ITGA9: variants seen among roughly 807,000 people sequenced by gnomAD.
The protein encoded by ITGA9 is integrin alpha-9.
A neutral mutation model predicts 127.8 loss-of-function variants in ITGA9; 56 were observed. The ratio of observed to expected loss-of-function variants is 0.44; its 90% confidence interval spans 0.35 to 0.55. The LOEUF (loss-of-function observed/expected upper bound fraction) is 0.55, where lower values mean the gene tolerates loss of function less well. Among genes scored for constraint, ITGA9 ranks in the 20% least tolerant of loss-of-function variants. The pLI, the probability that ITGA9 is intolerant of heterozygous loss-of-function variation, is 0.00. For synonymous variants in ITGA9, 508 were observed against 514.5 expected (o/e 0.99, Z 0.17); for missense variants, 1,196 against 1,347.1 (o/e 0.89, Z 1.76).
intron 23 of ITGA9, among the ~76,000 whole-genome samples, chr3:37,760,153 C>T (rs1466589751): frequency 6.6e-6 from 1 of 151,982 alleles, no homozygotes; most frequent in Non-Finnish European, 1.5e-5. Flanking sequence ...ATCTCAGCTA[C>T]TCAGGAGGCT....
intron 18 of ITGA9, among the ~76,000 whole-genome samples, chr3:37,695,491 A>C (rs560277907): frequency 6.6e-6 from 1 of 152,360 alleles, no homozygotes; most frequent in African/African-American, 2.4e-5. Context: ...TTCTACCAGC[A>C]TCTGAATTGG....
At chr3:37,517,698 C>T (rs1009871324) in intron 10 of ITGA9, 89 bp downstream of exon 10, 3 of 935,638 alleles carry the variant, frequency 3.2e-6, no homozygotes, top group Non-Finnish European at 5.1e-6. Flanking sequence ...GACTGTCCAT[C>T]TCTAGTGGCA....
rs1042302202 is a variant in ITGA9 at position 37,820,039 on chromosome 3, G to A, written c.*1050G>A. The A allele has an allele frequency of 7.9e-5, 12 of 152,062 alleles. No individual in the cohort carries two copies. Among genetic ancestry groups the A allele is most frequent in the African/African-American group, 2.2e-4 (9 of 41,388 alleles). 9.4% of individuals were successfully genotyped at this position (152,062 alleles called of 1,614,324 possible). On this transcript the variant is annotated 3_prime_UTR_variant, in exon 28 of 28. Coordinates refer to ENST00000264741, the MANE Select transcript of ITGA9 (RefSeq NM_002207.3). ...TCCTTCCCAGAGAGGACATTTAACC[G>A]TTTTAAAAAAAATGTCTTAGATTGG...
intron 15 of ITGA9, among the ~76,000 whole-genome samples, chr3:37,556,372 G>GT (rs1284352168): frequency 6.6e-6 from 1 of 152,186 alleles, no homozygotes; most frequent in Non-Finnish European, 1.5e-5. Context: ...TCGTTTCATA[G>GT]TTTTTTGGGG....
chr3:37,743,652 A>T, intron 21 of ITGA9, among the ~76,000 whole-genome samples: 1 of 152,228 alleles, frequency 6.6e-6, no homozygotes, highest in East Asian at 1.9e-4. Context: ...TCCAGTTTTT[A>T]AAAAGTCAAA....
intron 4 of ITGA9, among the ~76,000 whole-genome samples, chr3:37,482,549 T>G (rs766013960): frequency 6.6e-6 from 1 of 152,234 alleles, no homozygotes; most frequent in Non-Finnish European, 1.5e-5. Context: ...CCCTCCTACT[T>G]TATTTGGACA....
intron 15 of ITGA9, among the ~76,000 whole-genome samples, chr3:37,560,699 C>T (rs1432560887): frequency 6.6e-6 from 1 of 152,128 alleles, no homozygotes; most frequent in Non-Finnish European, 1.5e-5. Flanking sequence ...TCTCTGATGA[C>T]CGGTGATGAT....
At chr3:37,680,032 C>T (rs1195328425) in intron 17 of ITGA9, among the ~76,000 whole-genome samples, 1 of 152,094 alleles carries the variant, frequency 6.6e-6, no homozygotes, top group East Asian at 1.9e-4. Context: ...GAAGGATCCC[C>T]TGGGGACATG....
chr3:37,737,029 G>C (rs776636046), intron 20 of ITGA9, 46 bp downstream of exon 20: 1 of 1,229,150 alleles, frequency 8.1e-7, no homozygotes, highest in Non-Finnish European at 1.2e-6. Context: ...AGAGATTTAT[G>C]GGACCAGGAA....
chr3:37,620,246 G>A (rs1398432272), intron 15 of ITGA9, among the ~76,000 whole-genome samples: 1 of 152,212 alleles, frequency 6.6e-6, no homozygotes, highest in Admixed American at 6.5e-5. Context: ...GATGGCTCCT[G>A]TCACCCAAGG....
intron 16 of ITGA9, among the ~76,000 whole-genome samples, chr3:37,644,797 C>G (rs1347295415): frequency 6.6e-6 from 1 of 152,168 alleles, no homozygotes; most frequent in Non-Finnish European, 1.5e-5. Flanking sequence ...ACAATTTGTA[C>G]AGACCCTGAG....
chr3:37,780,259 G>C (rs1696960881), intron 25 of ITGA9, among the ~76,000 whole-genome samples: 1 of 152,088 alleles, frequency 6.6e-6, no homozygotes, highest in Non-Finnish European at 1.5e-5. Flanking sequence ...TGGGCTTTTA[G>C]TGTACCCAAT....
chr3:37,720,234 A>G (rs1701177268), intron 18 of ITGA9, among the ~76,000 whole-genome samples: 1 of 152,230 alleles, frequency 6.6e-6, no homozygotes, highest in Admixed American at 6.5e-5. Flanking sequence ...GGAACTCTTC[A>G]CCATGAGTAC....
At chr3:37,716,988 G>A (rs561990449) in intron 18 of ITGA9, among the ~76,000 whole-genome samples, 1 of 152,244 alleles carries the variant, frequency 6.6e-6, no homozygotes, top group East Asian at 1.9e-4. Flanking sequence ...GAGGTTCTTG[G>A]CATCGGGCTT....
At chr3:37,643,712 C>T (rs1032565740) in intron 16 of ITGA9, among the ~76,000 whole-genome samples, 12 of 152,282 alleles carry the variant, frequency 7.9e-5, no homozygotes, top group African/African-American at 2.9e-4. Flanking sequence ...AAACGTTAGC[C>T]TCTCTTTTCT....
intron 19 of ITGA9, among the ~76,000 whole-genome samples, chr3:37,735,816 G>A (rs1177492876): frequency 6.6e-6 from 1 of 152,176 alleles, no homozygotes; most frequent in Non-Finnish European, 1.5e-5. Context: ...AATTATCGTG[G>A]GTGATACGTG....
chr3:37,813,470 A>C (rs183226486), intron 27 of ITGA9, among the ~76,000 whole-genome samples: 1 of 152,312 alleles, frequency 6.6e-6, no homozygotes, highest in Admixed American at 6.5e-5. Flanking sequence ...AACCTTGCTA[A>C]ATTTAGTTTT....
At chr3:37,618,603 G>A (rs559860910) in intron 15 of ITGA9, among the ~76,000 whole-genome samples, 6 of 152,308 alleles carry the variant, frequency 3.9e-5, no homozygotes, top group Middle Eastern at 3.4e-3. Flanking sequence ...GCTCCGGTAG[G>A]CTCCACTCAG....
intron 16 of ITGA9, among the ~76,000 whole-genome samples, chr3:37,641,760 A>C (rs1474096337): frequency 6.6e-6 from 1 of 151,982 alleles, no homozygotes; most frequent in Non-Finnish European, 1.5e-5. Context: ...CTGCATTCCC[A>C]CCACCCTCAA....
Sources: allele counts gnomAD v4.1 joint callset (sites outside exome capture counted in the v4.1 genomes callset), GRCh38; gene constraint gnomAD v4.1.1; transcripts MANE v1.5; gene names NCBI Gene and HGNC (gene_info 2026-07-23, HGNC 2026-07-21).